Variants in PHF24 observed in about 807,000 individuals in gnomAD.
PHF24 encodes PHD finger protein 24, also known as Galpha inhibitory interacting protein.
Under a neutral mutation model 42.6 loss-of-function variants are expected in PHF24, and 25 were observed. The ratio of observed to expected loss-of-function variants is 0.59; its 90% CI spans 0.43 to 0.82. The LOEUF (loss-of-function observed/expected upper bound fraction) is 0.82, where lower values mean the gene tolerates loss of function less well. PHF24 is among the 40% of genes least tolerant of loss of function. The probability of loss-of-function intolerance (pLI) is 0.00; values close to 1 mark genes in which losing one functional copy is unlikely to be tolerated. For synonymous variants in PHF24, 185 were observed against 204.8 expected, an observed-to-expected ratio of 0.90 and a Z score of 0.83; for missense variants, 470 against 538.1, an observed-to-expected ratio of 0.87 and a Z score of 1.25.
At chr9:34,859,263 T>G in the PHF24 span, among the ~76,000 whole-genome samples, 2 of 152,150 alleles carry the variant, frequency 1.3e-5, no homozygotes, top group African/African-American at 4.8e-5. Flanking sequence ...CCACCTGAAG[T>G]CTGAGTTAGG....
the PHF24 span, among the ~76,000 whole-genome samples, chr9:34,666,573 T>G: frequency 6.7e-6 from 1 of 149,486 alleles, no homozygotes; most frequent in African/African-American, 2.5e-5. Context: ...TTTTTTTTGC[T>G]ACATTCATTC....
At chr9:34,754,722 G>A in the PHF24 span, among the ~76,000 whole-genome samples, 2 of 152,080 alleles carry the variant, frequency 1.3e-5, no homozygotes, top group East Asian at 3.8e-4. Flanking sequence ...CAAAAGAAAA[G>A]AAGTCAGTAT....
At chr9:34,945,838 G>A in the PHF24 span, among the ~76,000 whole-genome samples, 1 of 152,148 alleles carries the variant, frequency 6.6e-6, no homozygotes, top group African/African-American at 2.4e-5. Context: ...GTGGTATTTT[G>A]TTACAGCAGC....
chr9:34,966,436 A>T (rs1364703970), intron 1 of PHF24, among the ~76,000 whole-genome samples: 1 of 152,088 alleles, frequency 6.6e-6, no homozygotes, highest in African/African-American at 2.4e-5. Flanking sequence ...AATTTTTCAA[A>T]AATTAGCACG....
the PHF24 span, chr9:34,833,085 T>C: frequency 0.036 from 51,836 of 1,448,854 alleles, 798 homozygotes; most frequent in Admixed American, 0.091. Context: ...CTCTCTTCTC[T>C]GGTTGAGGAG....
chr9:34,969,190 C>A (rs1006755920), intron 1 of PHF24, among the ~76,000 whole-genome samples: 2 of 152,226 alleles, frequency 1.3e-5, no homozygotes, highest in African/African-American at 2.4e-5. Flanking sequence ...CTCCTGAAAG[C>A]TGAAGGAAGC....
chr9:34,745,299 G>A, the PHF24 span, among the ~76,000 whole-genome samples: 2 of 152,154 alleles, frequency 1.3e-5, no homozygotes, highest in East Asian at 3.9e-4. Context: ...AGCTTGGTGA[G>A]CCATGGTCAA....
At chr9:34,782,227 A>C in the PHF24 span, among the ~76,000 whole-genome samples, 4 of 152,198 alleles carry the variant, frequency 2.6e-5, no homozygotes, top group Non-Finnish European at 5.9e-5. Flanking sequence ...CACATGTCAG[A>C]GGCCTGAAAA....
the PHF24 span, among the ~76,000 whole-genome samples, chr9:34,668,759 C>T: frequency 6.6e-6 from 1 of 152,176 alleles, no homozygotes; most frequent in Non-Finnish European, 1.5e-5. Context: ...TACCTTAAAA[C>T]AGTTGTGCTG....
At chr9:34,719,806 G>A in the PHF24 span, among the ~76,000 whole-genome samples, 11 of 152,316 alleles carry the variant, frequency 7.2e-5, no homozygotes, top group African/African-American at 2.6e-4. Context: ...CCACCAGGCA[G>A]GGAGGATGTG....
At chr9:34,825,977 A>G in the PHF24 span, among the ~76,000 whole-genome samples, 1 of 151,766 alleles carries the variant, frequency 6.6e-6, no homozygotes, top group South Asian at 2.1e-4. Flanking sequence ...GAATTGATAC[A>G]CTCTGGAAAT....
chr9:34,931,488 G>A, the PHF24 span, among the ~76,000 whole-genome samples: 4 of 151,874 alleles, frequency 2.6e-5, no homozygotes, highest in African/African-American at 9.7e-5. Context: ...CTGCTCAGGT[G>A]ATGGGTGCAC....
the PHF24 span, among the ~76,000 whole-genome samples, chr9:34,671,126 A>G: frequency 6.6e-6 from 1 of 152,180 alleles, no homozygotes; most frequent in Non-Finnish European, 1.5e-5. Context: ...CTGAGTTAGA[A>G]TAGCTGGAGG....
At chr9:34,832,727 A>G in the PHF24 span, 1 of 1,548,068 alleles carries the variant, frequency 6.5e-7, no homozygotes, top group African/African-American at 1.4e-5. Flanking sequence ...TCACCAGCCC[A>G]TGTAAAACTT....
the PHF24 span, among the ~76,000 whole-genome samples, chr9:34,683,065 CT>C: frequency 0.92 from 133,222 of 144,728 alleles, 61,470 homozygotes; most frequent in Non-Finnish European, 0.97. Context: ...TTCTTTCTCT[CT>C]TTTTTTTTTT....
the PHF24 span, chr9:34,725,708 A>G: frequency 2.6e-6 from 4 of 1,543,580 alleles, no homozygotes; most frequent in Non-Finnish European, 3.5e-6. Flanking sequence ...CAGAAATGGG[A>G]CATTGATCTG....
At chr9:34,883,757 A>G in the PHF24 span, among the ~76,000 whole-genome samples, 1 of 152,228 alleles carries the variant, frequency 6.6e-6, no homozygotes, top group Non-Finnish European at 1.5e-5. Flanking sequence ...ACACTTTTAC[A>G]CTGTTGGTGG....
chr9:34,861,433 A>G, the PHF24 span, among the ~76,000 whole-genome samples: 1 of 152,180 alleles, frequency 6.6e-6, no homozygotes, highest in African/African-American at 2.4e-5. Context: ...GCCAGAGCAA[A>G]TTTCAATATT....
At chr9:34,944,313 T>C in the PHF24 span, among the ~76,000 whole-genome samples, 13 of 152,360 alleles carry the variant, frequency 8.5e-5, no homozygotes, top group South Asian at 6.2e-4. Flanking sequence ...CAATCCCAGG[T>C]ATATCACCTA....
Sources: allele counts gnomAD v4.1 joint callset (sites outside exome capture counted in the v4.1 genomes callset), GRCh38; gene constraint gnomAD v4.1.1; transcripts MANE v1.5; gene names NCBI Gene and HGNC (gene_info 2026-07-23, HGNC 2026-07-21).